Variants in SGIP1 observed in about 807,000 individuals in gnomAD.
SGIP1 encodes SH3GL interacting endocytic adaptor 1, also known as SH3-containing GRB2-like protein 3-interacting protein 1.
A neutral mutation model predicts 107.5 loss-of-function variants in SGIP1; 38 were observed. That is an observed-to-expected ratio of 0.35 (90% CI 0.27 to 0.46). SGIP1 has a LOEUF of 0.46. Ranked by LOEUF, SGIP1 falls within the 20% of genes least tolerant of loss-of-function variation. SGIP1 has a pLI of 1.00. For synonymous variants in SGIP1, 365 were observed against 366.1 expected (o/e 1.00, Z 0.03); for missense variants, 929 against 1,019.5 (o/e 0.91, Z 1.21).
chr1:66,712,306 G>A (rs781496934), intron 18 of SGIP1, among the ~76,000 whole-genome samples: 3 of 152,118 alleles, frequency 2.0e-5, no homozygotes, highest in South Asian at 2.1e-4. Context: ...CTGAAAATAC[G>A]TTGTCTTCAT....
At chr1:66,535,099 G>A (rs1440854735) in intron 1 of SGIP1, among the ~76,000 whole-genome samples, 5 of 152,172 alleles carry the variant, frequency 3.3e-5, no homozygotes, top group Admixed American at 2.6e-4. Flanking sequence ...TCAATATTGA[G>A]TGTAAGGAGG....
chr1:66,653,979 A>G (rs1420156118), intron 7 of SGIP1, among the ~76,000 whole-genome samples: 1 of 152,186 alleles, frequency 6.6e-6, no homozygotes, highest in African/African-American at 2.4e-5. Flanking sequence ...TTCTAACAAC[A>G]AATCTTGCAC....
intron 24 of SGIP1, among the ~76,000 whole-genome samples, chr1:66,742,504 C>G (rs1156746166): frequency 2.4e-4 from 10 of 41,348 alleles, no homozygotes; most frequent in Non-Finnish European, 3.8e-4. Context: ...GAGTCTCACT[C>G]TGTCGCCCAG....
At position 66,729,412 on chromosome 1, in the gene SGIP1, C is replaced by A. The variant is rs1200310456; in HGVS notation, c.1891C>A (p.Leu631Ile). Residue 631 changes from leucine to isoleucine, a missense_variant, in exon 20 of 25, where the codon CTC becomes ATC. Coordinates refer to ENST00000371037, the MANE Select transcript of SGIP1 (RefSeq NM_032291.4). ...ACACGTCCTGCCAAACCCCCAACTT[C>A]TCTGCTGGTAAATATGATTTTGCAT... is the stretch of plus-strand genomic sequence containing the variant. ...LEHVLPNPQLLCCDNTQNDAN... is the reference protein window; with the variant it reads ...LEHVLPNPQLICCDNTQNDAN... The A allele has an allele frequency of 6.2e-7, 1 of 1,614,138 alleles. No individual in the cohort carries two copies. The highest frequency in any genetic ancestry group is 8.5e-7 in the Non-Finnish European group (1 of 1,179,986).
chr1:66,733,652 C>A, intron 20 of SGIP1, 96 bp from the exon 21 acceptor site: 1 of 1,315,208 alleles, frequency 7.6e-7, no homozygotes, highest in Non-Finnish European at 1.0e-6. Flanking sequence ...CAAAAAATGG[C>A]TGTACATATC....
intron 1 of SGIP1, among the ~76,000 whole-genome samples, chr1:66,609,320 G>A (rs1162064650): frequency 6.6e-6 from 1 of 152,190 alleles, no homozygotes; most frequent in Non-Finnish European, 1.5e-5. Context: ...CAGGTATAGT[G>A]GGCCATTTCT....
chr1:66,713,950 C>T (rs186421153), intron 18 of SGIP1, among the ~76,000 whole-genome samples: 24 of 152,212 alleles, frequency 1.6e-4, no homozygotes, highest in Non-Finnish European at 2.4e-4. Flanking sequence ...AAGAATTCTA[C>T]GCTAACTCCA....
intron 2 of SGIP1, among the ~76,000 whole-genome samples, chr1:66,629,697 A>G (rs2073826443): frequency 1.3e-5 from 2 of 152,202 alleles, no homozygotes; most frequent in African/African-American, 4.8e-5. Flanking sequence ...TGCCATGAAA[A>G]AGAAAAAAAT....
intron 5 of SGIP1, among the ~76,000 whole-genome samples, chr1:66,640,253 G>A (rs2076528487): frequency 6.6e-6 from 1 of 152,166 alleles, no homozygotes; most frequent in African/African-American, 2.4e-5. Flanking sequence ...GTTACCACGT[G>A]TCATTGTTGC....
At chr1:66,652,182 A>AC (rs934190750) in intron 7 of SGIP1, among the ~76,000 whole-genome samples, 104 of 152,098 alleles carry the variant, frequency 6.8e-4, no homozygotes, top group Admixed American at 6.1e-3. Flanking sequence ...AATGGGAAAA[A>AC]AATTGTGTCT....
chr1:66,737,941 G>A (rs914098808), intron 21 of SGIP1, among the ~76,000 whole-genome samples: 6 of 151,308 alleles, frequency 4.0e-5, no homozygotes, highest in Admixed American at 2.0e-4. Context: ...AAATTGGGAC[G>A]ATCAAAAACA....
chr1:66,584,979 T>G (rs772232600), intron 1 of SGIP1, among the ~76,000 whole-genome samples: 1 of 152,154 alleles, frequency 6.6e-6, no homozygotes, highest in African/African-American at 2.4e-5. Context: ...AGAACAAGCA[T>G]TGTAAATTCT....
intron 1 of SGIP1, among the ~76,000 whole-genome samples, chr1:66,599,088 GGTT>G (rs1483376102): frequency 5.3e-5 from 8 of 151,936 alleles, no homozygotes; most frequent in African/African-American, 1.9e-4. Flanking sequence ...AATACAATTC[GGTT>G]GTTATTTTTC....
intron 1 of SGIP1, among the ~76,000 whole-genome samples, chr1:66,613,769 G>A (rs183855830): frequency 9.2e-5 from 14 of 152,302 alleles, no homozygotes; most frequent in Admixed American, 7.8e-4. Context: ...ACTAAAGTGG[G>A]TAACAGTGAC....
chr1:66,658,044 A>G (rs1293503678), intron 7 of SGIP1, among the ~76,000 whole-genome samples: 3 of 152,168 alleles, frequency 2.0e-5, no homozygotes, highest in South Asian at 4.1e-4. Context: ...TTAAATAAAG[A>G]TGGTTTAATA....
intron 18 of SGIP1, among the ~76,000 whole-genome samples, chr1:66,715,754 T>C (rs1482752365): frequency 1.3e-5 from 2 of 152,150 alleles, no homozygotes; most frequent in East Asian, 1.9e-4. Context: ...AGGTGCTTTT[T>C]TTCACATATT....
rs1249472061 is a variant in SGIP1 at position 66,741,275 on chromosome 1, T to C, written c.2303T>C (p.Val768Ala). 6.3e-7 allele frequency: 1 copy of C among 1,575,934 alleles called. No homozygotes were observed. The highest frequency in any genetic ancestry group is 1.4e-5 in the African/African-American group (1 of 72,682). ...GTAATAATGTGTTTTTTTTTAGGGG[T>C]GGGTTCTTTGTTGGCAAGATTTCAG... ...DISQKSENGG[V>A]GSLLARFQLS... Residue 768 changes from valine (V) to alanine (A), a missense_variant, in exon 24 of 25, where the codon GTG becomes GCG. Val to Ala is a moderately conservative substitution (Grantham distance 64, BLOSUM62 0). Coordinates refer to ENST00000371037, the MANE Select transcript of SGIP1 (RefSeq NM_032291.4).
intron 1 of SGIP1, among the ~76,000 whole-genome samples, chr1:66,615,748 A>C (rs1156792743): frequency 6.6e-6 from 1 of 152,216 alleles, no homozygotes; most frequent in African/African-American, 2.4e-5. Flanking sequence ...TCTACAAGTC[A>C]TTGTCAGGCC....
intron 20 of SGIP1, among the ~76,000 whole-genome samples, chr1:66,730,594 C>T (rs9988481): frequency 0.71 from 107,485 of 151,940 alleles, 39,046 homozygotes; most frequent in African/African-American, 0.79. Flanking sequence ...CAATACATTT[C>T]AACAGCCAGG....
Sources: allele counts gnomAD v4.1 joint callset (sites outside exome capture counted in the v4.1 genomes callset), GRCh38; gene constraint gnomAD v4.1.1; transcripts MANE v1.5; gene names NCBI Gene and HGNC (gene_info 2026-07-23, HGNC 2026-07-21).